SERPINB9: variants seen among roughly 807,000 people sequenced by gnomAD.
The protein encoded by SERPINB9 is serpin B9.
Under a neutral mutation model 27.2 loss-of-function variants are expected in SERPINB9, and 20 were observed. The observed-to-expected ratio is 0.74, with a 90% CI of 0.52 to 1.07. SERPINB9 has a LOEUF of 1.07. Ranked by LOEUF, SERPINB9 falls within the 50% of genes least tolerant of loss-of-function variation. The pLI, the probability that SERPINB9 is intolerant of heterozygous loss-of-function variation, is 0.00. For missense variants in SERPINB9, 476 were observed against 460.1 expected (o/e 1.03, Z -0.32); for synonymous variants, 189 against 180.0 (o/e 1.05, Z -0.40).
intron 2 of SERPINB9, among the ~76,000 whole-genome samples, chr6:2,897,323 G>A (rs952790031): frequency 4.4e-4 from 67 of 152,146 alleles, no homozygotes; most frequent in Middle Eastern, 3.4e-3. Context: ...AAAATTAGCC[G>A]GGTGTGGTGA....
At chr6:2,900,883 T>TCACACACACACACACACACACA (rs1043594260) in intron 1 of SERPINB9, among the ~76,000 whole-genome samples, 6 of 26,544 alleles carry the variant, frequency 2.3e-4, no homozygotes, top group East Asian at 3.5e-3. Context: ...GAGCTCGCTC[T>TCACACACACACACACACACACA]CTCACACACA....
chr6:2,895,001 T>C (rs1456210620), intron 4 of SERPINB9, among the ~76,000 whole-genome samples: 2 of 151,996 alleles, frequency 1.3e-5, no homozygotes, highest in African/African-American at 2.4e-5. Flanking sequence ...AAGTGATATG[T>C]CCACTTCGGC....
At chr6:2,900,099 C>T (rs1230759468) in intron 2 of SERPINB9, 16 of 371,210 alleles carry the variant, frequency 4.3e-5, no homozygotes, top group South Asian at 3.5e-4. Context: ...TACAAAGTCT[C>T]TTGCTCCAAA....
At position 2,888,948 on chromosome 6, in the gene SERPINB9, G is replaced by A. The variant is rs1413061525; in HGVS notation, c.*1215C>T. On this transcript the variant is annotated 3_prime_UTR_variant, in exon 7 of 7. Coordinates refer to ENST00000380698, the MANE Select transcript of SERPINB9 (RefSeq NM_004155.6). ...ATCAACTTACTTATTACTGCACTAT[G>A]AGGGGCACCCAGATATGTAAGACAG... 2.0e-5 allele frequency: 3 copies of A among 152,048 alleles called. No homozygotes were observed. Among genetic ancestry groups the A allele is most frequent in the African/African-American group, 4.8e-5 (2 of 41,372 alleles). 9.4% of individuals were successfully genotyped at this position (152,048 alleles called of 1,614,324 possible). A position where few individuals can be genotyped will look rare whatever the true frequency, so the allele number is the denominator to read the frequency against.
In SERPINB9 at chr6:2,891,134, T is replaced by C. The variant is rs1343424012; in HGVS notation, c.724-564A>G. ...CTGCTGCGCACACAGACCTCTTAAG[T>C]CATGGGGTCCCACTGCCTGCCATTT... On this transcript the variant is annotated intron_variant, in intron 6 of 6. Transcript: ENST00000380698. This position sits in a 1 kb window ranked among gnomAD's most constrained non-coding sequence, Gnocchi z 4.0. 6.6e-6 allele frequency among the ~76,000 whole-genome samples: 1 copy of C among 152,124 alleles called. No homozygotes were observed. Among genetic ancestry groups the C allele is most frequent in the Non-Finnish European group, 1.5e-5 (1 of 68,014 alleles).
At position 2,894,080 on chromosome 6, in the gene SERPINB9, A is replaced by T. The variant is rs1446840952; in HGVS notation, c.425-527T>A. Among the ~76,000 whole-genome samples the T allele has an allele frequency of 1.3e-5, 2 of 152,084 alleles. No individual in the cohort carries two copies. The highest frequency in any genetic ancestry group is 4.8e-5 in the African/African-American group (2 of 41,406). On this transcript the variant is annotated intron_variant, in intron 4 of 6. Transcript: ENST00000380698. The surrounding 1 kb of genome is among the most constrained non-coding windows in gnomAD (Gnocchi z 4.7). ...ACAAAGCACTAGGCATCCCTGGAAA[A>T]GAGGATGTGGGCAAACAAAGATCAC...
intron 2 of SERPINB9, among the ~76,000 whole-genome samples, chr6:2,899,684 C>G (rs1768127820): frequency 6.6e-6 from 1 of 152,176 alleles, no homozygotes; most frequent in Non-Finnish European, 1.5e-5. Context: ...CACATAAACC[C>G]TCCCTTCTTC....
Position 2,889,990 on chromosome 6 carries a change from A to G in SERPINB9, c.*173T>C. The G allele has an allele frequency of 1.8e-6, 1 of 550,886 alleles. No individual in the cohort carries two copies. The highest frequency in any genetic ancestry group is 3.2e-6 in the Non-Finnish European group (1 of 316,600). The allele number at this position is 550,886 out of a possible 1,614,324, so 34.1% of individuals were successfully genotyped here. On this transcript the variant is annotated 3_prime_UTR_variant, in exon 7 of 7. Transcript: ENST00000380698. ...TTTCTCAAGATTCTGATTAAGTAGC[A>G]TAAGCGAGTGTGGAGCATCATGAAT...
chr6:2,900,233 C>T (rs934217881), intron 2 of SERPINB9, among the ~76,000 whole-genome samples: 1 of 152,114 alleles, frequency 6.6e-6, no homozygotes, highest in Non-Finnish European at 1.5e-5. Flanking sequence ...AGGAAAGTTT[C>T]CCCCAAATAA....
At chr6:2,900,687 A>G in intron 1 of SERPINB9, 66 bp from the exon 2 acceptor site, 5 of 1,357,838 alleles carry the variant, frequency 3.7e-6, no homozygotes, top group Non-Finnish European at 3.1e-6. Flanking sequence ...CCTACTTACT[A>G]CAGGGCAATT....
chr6:2,893,256 C>T lies in SERPINB9; in HGVS notation c.567+155G>A, dbSNP rs113634045. ...TGCAGCAAATATCTTTTACTCCTTC[C>T]GTTTTTTTCTACTGAGTTAAGAAAT... is the stretch of plus-strand genomic sequence containing the variant. On this transcript the variant is annotated intron_variant, in intron 5 of 6. Coordinates refer to ENST00000380698, the MANE Select transcript of SERPINB9 (RefSeq NM_004155.6). 9.6e-3 allele frequency among the ~76,000 whole-genome samples: 525 copies of T among 54,828 alleles called. 4 individuals carry two copies. The highest frequency in any genetic ancestry group is 0.017 in the Middle Eastern group (2 of 120). The allele number at this position is 54,828 out of a possible 152,430, so 36.0% of individuals were successfully genotyped here.
rs527760457 is a variant in SERPINB9 at position 2,894,579 on chromosome 6, G to A, written c.424+812C>T. On this transcript the variant is annotated intron_variant, in intron 4 of 6. Coordinates refer to ENST00000380698, the MANE Select transcript of SERPINB9 (RefSeq NM_004155.6). This position sits in a 1 kb window ranked among gnomAD's most constrained non-coding sequence, Gnocchi z 4.7. ...GCAGGTAAAGGTAATGGTGATGGAG[G>A]TCCCCCAGAACCTAGGAAGAGGCAG... Among the ~76,000 whole-genome samples the A allele has an allele frequency of 5.3e-5, 8 of 152,132 alleles. No homozygotes were observed. Among genetic ancestry groups the A allele is most frequent in the Non-Finnish European group, 5.9e-5 (4 of 68,018 alleles).
At position 2,893,573 on chromosome 6, in the gene SERPINB9, C is replaced by T. The variant is rs1315166526; in HGVS notation, c.425-20G>A. On this transcript the variant is annotated intron_variant, in intron 4 of 6. Transcript: ENST00000380698. ...TTTTACCTTTCAAGAAAAGTAGAGA[C>T]TACATTCAGTTGCTTTTTATAAGAA... is the stretch of plus-strand genomic sequence containing the variant. 4 of 1,606,716 alleles carry T rather than the reference C, an allele frequency of 2.5e-6. No homozygotes were observed. Among genetic ancestry groups the T allele is most frequent in the Non-Finnish European group, 3.4e-6 (4 of 1,175,814 alleles).
chr6:2,896,295 T>A (rs1057276226), intron 2 of SERPINB9, 105 bp from the exon 3 acceptor site: 1 of 955,412 alleles, frequency 1.0e-6, no homozygotes, highest in Non-Finnish European at 1.6e-6. Flanking sequence ...GTAGCCATTC[T>A]GCCTGAATGG....
chr6:2,893,500 C>A lies in SERPINB9; in HGVS notation c.478G>T (p.Val160Phe). ...TTGAAGTAGATGGCATTGACAAGAA[C>A]CAGCCTGGTTTCTGCATCAATTGAG... ...GSSIDAETRL[V>F]LVNAIYFKGK... The change falls in exon 5 of 7, where the codon GTT becomes TTT. Residue 160 changes from valine (V) to phenylalanine (F), a missense_variant. Physicochemically the swap from Val to Phe is conservative, Grantham distance 50. Coordinates refer to ENST00000380698, the MANE Select transcript of SERPINB9 (RefSeq NM_004155.6). The A allele has an allele frequency of 6.2e-7, 1 of 1,613,096 alleles. No individual in the cohort carries two copies. The highest frequency in any genetic ancestry group is 8.5e-7 in the Non-Finnish European group (1 of 1,179,466).
At chr6:2,892,639 A>G (rs1315222447) in intron 5 of SERPINB9, among the ~76,000 whole-genome samples, 1 of 152,196 alleles carries the variant, frequency 6.6e-6, no homozygotes, top group Non-Finnish European at 1.5e-5. Context: ...CATTTATTAT[A>G]AAAATTAAAA....
chr6:2,890,643 C>T lies in SERPINB9; in HGVS notation c.724-73G>A. On this transcript the variant is annotated intron_variant, in intron 6 of 6. Transcript: ENST00000380698. This position sits in a 1 kb window ranked among gnomAD's most constrained non-coding sequence, Gnocchi z 6.2. ...TACAAGCGCACAGGCACTCACAGTT[C>T]CCTTCCTCCCCTTGCACGTAGGTGT... The T allele has an allele frequency of 7.3e-7, 1 of 1,379,174 alleles. No homozygotes were observed. The allele number at this position is 1,379,174 out of a possible 1,614,324, so 85.4% of individuals were successfully genotyped here. A position where few individuals can be genotyped will look rare whatever the true frequency, so the allele number is the denominator to read the frequency against.
chr6:2,890,345 T>C lies in SERPINB9; in HGVS notation c.949A>G (p.Lys317Glu). Residue 317 changes from lysine to glutamate, a missense_variant, in exon 7 of 7, where the codon AAG becomes GAG. Lys to Glu is a moderately conservative substitution (Grantham distance 56). Coordinates refer to ENST00000380698, the MANE Select transcript of SERPINB9 (RefSeq NM_004155.6). This position sits in a 1 kb window ranked among gnomAD's most constrained non-coding sequence, Gnocchi z 6.2. ...RDLCLSKFVH[K>E]SFVEVNEEGT... ...TCTTCATTCACCTCCACAAAACTCT[T>C]GTGCACGAACTTGGACAGACACAGG... 1.9e-6 allele frequency: 3 copies of C among 1,614,228 alleles called. No homozygotes were observed. The highest frequency in any genetic ancestry group is 1.1e-5 in the South Asian group (1 of 91,080).
At position 2,889,078 on chromosome 6, in the gene SERPINB9, A is replaced by G. The variant is rs1767687873; in HGVS notation, c.*1085T>C. ...GCCCTCCAAGTACAAAGAGAGTTCAAATATGTACATCTGGTTGCGGAGAAA... is the reference window on the plus strand; with the variant it reads ...GCCCTCCAAGTACAAAGAGAGTTCAGATATGTACATCTGGTTGCGGAGAAA... On this transcript the variant is annotated 3_prime_UTR_variant, in exon 7 of 7. Transcript: ENST00000380698. 1.3e-5 allele frequency: 2 copies of G among 152,342 alleles called. No individual in the cohort carries two copies. Among genetic ancestry groups the G allele is most frequent in the South Asian group, 4.1e-4 (2 of 4,822 alleles). The allele number at this position is 152,342 out of a possible 1,614,324, so 9.4% of individuals were successfully genotyped here.
Sources: allele counts gnomAD v4.1 joint callset (sites outside exome capture counted in the v4.1 genomes callset), GRCh38; gene constraint gnomAD v4.1.1; non-coding constraint Gnocchi (gnomAD v3.1); transcripts MANE v1.5; gene names NCBI Gene and HGNC (gene_info 2026-07-23, HGNC 2026-07-21).